Variants in ADAMTS20 observed in about 807,000 individuals in gnomAD.
ADAMTS20 encodes the protein ADAM metallopeptidase with thrombospondin type 1 motif 20.
In ADAMTS20, 225 loss-of-function variants were observed where a neutral mutation model predicts 260.1. That is an observed-to-expected ratio of 0.87 (90% CI 0.78 to 0.97). ADAMTS20 has a LOEUF of 0.97. Among genes scored for constraint, ADAMTS20 ranks in the 50% least tolerant of loss-of-function variants. The pLI, the probability that ADAMTS20 is intolerant of heterozygous loss-of-function variation, is 0.00. For synonymous variants in ADAMTS20, 802 were observed against 769.5 expected, an observed-to-expected ratio of 1.04 and a Z score of -0.70; for missense variants, 2,400 against 2,337.7, an observed-to-expected ratio of 1.03 and a Z score of -0.55.
chr12:43,398,671 C>A (rs1940750668), intron 29 of ADAMTS20, among the ~76,000 whole-genome samples: 1 of 152,086 alleles, frequency 6.6e-6, no homozygotes, highest in Non-Finnish European at 1.5e-5. Context: ...GTAGCCTCTG[C>A]TAGTATTCAG....
At chr12:43,463,435 A>AAT (rs985529313) in intron 10 of ADAMTS20, among the ~76,000 whole-genome samples, 1 of 152,210 alleles carries the variant, frequency 6.6e-6, no homozygotes, top group African/African-American at 2.4e-5. Flanking sequence ...CTATTTTGTG[A>AAT]ATATAATGCA....
chr12:43,432,562 A>T (rs1941467360), intron 20 of ADAMTS20, 39 bp downstream of exon 20: 1 of 1,606,090 alleles, frequency 6.2e-7, no homozygotes, highest in Admixed American at 1.7e-5. Context: ...AATTAGAAAG[A>T]AAGGGGCAAC....
At chr12:43,447,271 G>A (rs1045621816) in intron 14 of ADAMTS20, among the ~76,000 whole-genome samples, 1 of 152,036 alleles carries the variant, frequency 6.6e-6, no homozygotes, top group Non-Finnish European at 1.5e-5. Flanking sequence ...AAATCCAGCA[G>A]CAAATCAAAA....
chr12:43,398,310 C>T (rs550608654), intron 29 of ADAMTS20, among the ~76,000 whole-genome samples: 6 of 152,196 alleles, frequency 3.9e-5, no homozygotes, highest in South Asian at 4.1e-4. Context: ...CATGCCTACC[C>T]GAATTTAAAT....
intron 28 of ADAMTS20, among the ~76,000 whole-genome samples, chr12:43,408,075 G>T (rs1940952626): frequency 6.6e-6 from 1 of 152,100 alleles, no homozygotes; most frequent in African/African-American, 2.4e-5. Context: ...AAATGGTATG[G>T]TTAATATGAG....
At chr12:43,522,126 A>G (rs958337820) in intron 3 of ADAMTS20, among the ~76,000 whole-genome samples, 2 of 152,308 alleles carry the variant, frequency 1.3e-5, no homozygotes, top group Non-Finnish European at 2.9e-5. Flanking sequence ...GACTCAGTGC[A>G]CCATGGCTGG....
chr12:43,521,665 A>T (rs536049135), intron 3 of ADAMTS20, among the ~76,000 whole-genome samples: 1 of 152,336 alleles, frequency 6.6e-6, no homozygotes, highest in East Asian at 1.9e-4. Flanking sequence ...ATTATATAAT[A>T]TCTGTTTTAA....
At chr12:43,436,240 G>GC (rs1941552589) in intron 18 of ADAMTS20, among the ~76,000 whole-genome samples, 1 of 152,118 alleles carries the variant, frequency 6.6e-6, no homozygotes, top group Non-Finnish European at 1.5e-5. Flanking sequence ...CCCAAGAGAG[G>GC]CCCAGGAATG....
chr12:43,408,299 A>C (rs1940957258), intron 28 of ADAMTS20, among the ~76,000 whole-genome samples: 1 of 152,168 alleles, frequency 6.6e-6, no homozygotes, highest in Admixed American at 6.5e-5. Flanking sequence ...AATGCAGAAA[A>C]CTATTCAGTG....
chr12:43,448,553 G>A (rs1198289516), intron 14 of ADAMTS20, among the ~76,000 whole-genome samples: 1 of 152,086 alleles, frequency 6.6e-6, no homozygotes, highest in African/African-American at 2.4e-5. Flanking sequence ...AGACAACCTA[G>A]GCCATACCAT....
intron 22 of ADAMTS20, among the ~76,000 whole-genome samples, chr12:43,430,717 A>G (rs1271191986): frequency 2.0e-5 from 3 of 152,242 alleles, no homozygotes; most frequent in Admixed American, 6.5e-5. Flanking sequence ...AAGTTGTCAT[A>G]TAAAAATATA....
At chr12:43,382,573 C>T (rs535532688) in intron 31 of ADAMTS20, among the ~76,000 whole-genome samples, 1 of 151,990 alleles carries the variant, frequency 6.6e-6, no homozygotes, top group African/African-American at 2.4e-5. Flanking sequence ...GATGCTTGCA[C>T]ATACAGGTGA....
At chr12:43,548,096 GA>G (rs1179021391) in intron 2 of ADAMTS20, among the ~76,000 whole-genome samples, 3 of 152,022 alleles carry the variant, frequency 2.0e-5, no homozygotes, top group African/African-American at 4.8e-5. Flanking sequence ...AGCAGAAAAA[GA>G]AATGAAATTG....
chr12:43,484,480 AAAAC>A (rs1942491738), intron 7 of ADAMTS20, among the ~76,000 whole-genome samples: 2 of 152,192 alleles, frequency 1.3e-5, no homozygotes, highest in Non-Finnish European at 2.9e-5. Context: ...TTTAAATAAA[AAAAC>A]AATCAGAACT....
intron 15 of ADAMTS20, among the ~76,000 whole-genome samples, chr12:43,444,508 C>T (rs1488503376): frequency 6.6e-6 from 1 of 152,040 alleles, no homozygotes; most frequent in Admixed American, 6.6e-5. Context: ...AAAAAGTTTA[C>T]TCAAGTGAAA....
chr12:43,535,175 TC>T (rs1165145981), intron 2 of ADAMTS20, among the ~76,000 whole-genome samples: 1 of 152,142 alleles, frequency 6.6e-6, no homozygotes, highest in Non-Finnish European at 1.5e-5. Flanking sequence ...AAACTATTCT[TC>T]CCCACTAGAC....
rs145734738 is a variant in ADAMTS20 at position 43,484,524 on chromosome 12, T to C, written c.1117+5871A>G. 5.1e-3 allele frequency among the ~76,000 whole-genome samples: 773 copies of C among 152,204 alleles called. 5 individuals carry two copies. Among genetic ancestry groups the C allele is most frequent in the African/African-American group, 0.018 (739 of 41,550 alleles). ...GAAATGAAAGACACATTTACGAAAC[T>C]AGAAAATGCAGTGCAAATTTTAACA... On this transcript the variant is annotated intron_variant, in intron 7 of 38. Transcript: ENST00000389420.
intron 7 of ADAMTS20, among the ~76,000 whole-genome samples, chr12:43,481,331 CAT>C (rs143201010): frequency 0.12 from 17,529 of 152,048 alleles, 1,131 homozygotes; most frequent in Admixed American, 0.21. Context: ...GAAAATAAAA[CAT>C]GTATCATTTT....
At chr12:43,435,863 C>G (rs746741823) in intron 18 of ADAMTS20, among the ~76,000 whole-genome samples, 1 of 151,954 alleles carries the variant, frequency 6.6e-6, no homozygotes, top group Non-Finnish European at 1.5e-5. Context: ...GAGAAGTGGT[C>G]ATAACTGACC....
Sources: allele counts gnomAD v4.1 joint callset (sites outside exome capture counted in the v4.1 genomes callset), GRCh38; gene constraint gnomAD v4.1.1; transcripts MANE v1.5; gene names NCBI Gene and HGNC (gene_info 2026-07-23, HGNC 2026-07-21).